PALLD: variants seen among roughly 807,000 people sequenced by gnomAD.
PALLD encodes palladin.
PALLD carries 61 observed loss-of-function variants against 123.5 expected under a neutral mutation model. That is an observed-to-expected ratio of 0.49 (90% CI 0.40 to 0.61). The LOEUF is 0.61. PALLD is among the 20% of genes least tolerant of loss of function. The pLI, the probability that PALLD is intolerant of heterozygous loss-of-function variation, is 0.00. For missense variants in PALLD, 1,273 were observed against 1,377.0 expected (o/e 0.92, Z 1.20); for synonymous variants, 465 against 496.4 (o/e 0.94, Z 0.84).
chr4:168,523,961 T>C (rs1326674984), intron 2 of PALLD, among the ~76,000 whole-genome samples: 6 of 152,210 alleles, frequency 3.9e-5, no homozygotes, highest in African/African-American at 7.2e-5. Flanking sequence ...CTAATAGATA[T>C]AATAATATTA....
At chr4:168,748,421 A>C (rs1730596940) in intron 10 of PALLD, among the ~76,000 whole-genome samples, 2 of 152,232 alleles carry the variant, frequency 1.3e-5, no homozygotes, top group South Asian at 4.1e-4. Context: ...GTTCTAAGTA[A>C]TATAGGGGGT....
intron 10 of PALLD, among the ~76,000 whole-genome samples, chr4:168,756,772 A>G (rs1157431602): frequency 1.3e-5 from 2 of 152,252 alleles, no homozygotes; most frequent in Non-Finnish European, 2.9e-5. Flanking sequence ...TGTTGGACTC[A>G]AGCTATAAAC....
chr4:168,747,639 A>G lies in PALLD; in HGVS notation c.1964+35716A>G, dbSNP rs74611364. ...AAGAGACCCAAGACTTCGTAAAGCC[A>G]TGGGATATGGAGTTGGGGGACCTGC... On this transcript the variant is annotated intron_variant, in intron 10 of 21. Coordinates refer to ENST00000505667, the MANE Select transcript of PALLD (RefSeq NM_001166108.2). 6.2e-3 allele frequency among the ~76,000 whole-genome samples: 939 copies of G among 152,328 alleles called. 9 individuals carry two copies. The highest frequency in any genetic ancestry group is 0.021 in the African/African-American group (878 of 41,574).
chr4:168,529,295 C>T (rs1764373447), intron 2 of PALLD, among the ~76,000 whole-genome samples: 1 of 151,832 alleles, frequency 6.6e-6, no homozygotes, highest in Non-Finnish European at 1.5e-5. Context: ...TGAGATTGTG[C>T]CACTGCACTC....
In PALLD at chr4:168,680,315, T is replaced by TA. The variant is rs550083822; in HGVS notation, c.1088-1002dup. Among the ~76,000 whole-genome samples the TA allele has an allele frequency of 5.0e-3, 664 of 132,322 alleles. 3 individuals carry two copies. Among genetic ancestry groups the TA allele is most frequent in the East Asian group, 0.03 (140 of 4,634 alleles). 86.8% of individuals were successfully genotyped at this position (132,322 alleles called of 152,430 possible). A position where few individuals can be genotyped will look rare whatever the true frequency, so the allele number is the denominator to read the frequency against. ...CAACATGGTGAAACCCCATCTCTGC[T>TA]AAAAAAAAAAAAAAATACAAAAATT... On this transcript the variant is annotated intron_variant, in intron 3 of 21. Transcript: ENST00000505667.
chr4:168,623,484 G>A (rs1246802182), intron 2 of PALLD, among the ~76,000 whole-genome samples: 1 of 152,250 alleles, frequency 6.6e-6, no homozygotes, highest in Non-Finnish European at 1.5e-5. Flanking sequence ...CCCTGAAGAT[G>A]CAGGACTTGC....
intron 10 of PALLD, among the ~76,000 whole-genome samples, chr4:168,803,232 T>C (rs934329510): frequency 1.8e-4 from 27 of 151,994 alleles, no homozygotes; most frequent in African/African-American, 6.5e-4. Context: ...CATACAGTCG[T>C]GGTGGAAGTG....
intron 10 of PALLD, among the ~76,000 whole-genome samples, chr4:168,720,318 A>G (rs138888152): frequency 1.3e-5 from 2 of 152,318 alleles, no homozygotes; most frequent in East Asian, 3.9e-4. Context: ...AAGATACATC[A>G]TTCAGTTTTT....
chr4:168,894,725 C>T (rs751153163), intron 12 of PALLD, 48 bp downstream of exon 12: 68 of 1,589,072 alleles, frequency 4.3e-5, no homozygotes, highest in Non-Finnish European at 5.5e-5. Context: ...TTCTGTCCCC[C>T]TTTTCCATCT....
At chr4:168,720,782 C>G (rs779164114) in intron 10 of PALLD, among the ~76,000 whole-genome samples, 1 of 152,176 alleles carries the variant, frequency 6.6e-6, no homozygotes, top group Non-Finnish European at 1.5e-5. Context: ...CAGTGTTGGT[C>G]TTGGATCACT....
intron 10 of PALLD, among the ~76,000 whole-genome samples, chr4:168,856,520 G>C (rs973973256): frequency 2.0e-5 from 3 of 152,112 alleles, no homozygotes; most frequent in African/African-American, 7.2e-5. Flanking sequence ...TTGTTTTGAC[G>C]TTGTAGTAAT....
chr4:168,511,870 T>C lies in PALLD; in HGVS notation c.366T>C (p.Pro122=). 6.2e-6 allele frequency: 10 copies of C among 1,614,136 alleles called. No homozygotes were observed. The highest frequency in any genetic ancestry group is 8.5e-6 in the Non-Finnish European group (10 of 1,179,974). ...SISSPVSKRK[P]AMSPLLTRPS... ...CTTCACCTGTTTCAAAGAGGAAACCTGCCATGTCACCCCTGCTCACCAGGC... is the reference window on the plus strand; with the variant it reads ...CTTCACCTGTTTCAAAGAGGAAACCCGCCATGTCACCCCTGCTCACCAGGC... Residue 122 remains proline (P), a synonymous_variant, in exon 2 of 22, where the codon CCT becomes CCC. Transcript: ENST00000505667.
intron 2 of PALLD, among the ~76,000 whole-genome samples, chr4:168,529,283 G>A (rs1764372460): frequency 6.6e-6 from 1 of 151,978 alleles, no homozygotes; most frequent in Admixed American, 6.5e-5. Flanking sequence ...GTTGCAGTGA[G>A]CTGAGATTGT....
chr4:168,920,008 A>G (rs180837382), intron 17 of PALLD, among the ~76,000 whole-genome samples: 11 of 152,270 alleles, frequency 7.2e-5, no homozygotes, highest in Middle Eastern at 3.4e-3. Context: ...CCTACTAAAC[A>G]TACTGTGGCT....
At position 168,711,576 on chromosome 4, in the gene PALLD, C is replaced by T. The variant is rs1302132744; in HGVS notation, c.1622-5C>T. 1.2e-6 allele frequency: 2 copies of T among 1,608,426 alleles called. No individual in the cohort carries two copies. Among genetic ancestry groups the T allele is most frequent in the East Asian group, 2.2e-5 (1 of 44,874 alleles). ...TATGTTTTTCCTCTCTTTCCCCTTC[C>T]TTAGCCAACACTGAAAACTGTAGTT... On this transcript the variant is annotated splice_polypyrimidine_tract_variant and splice_region_variant and intron_variant, in intron 9 of 21. Coordinates refer to ENST00000505667, the MANE Select transcript of PALLD (RefSeq NM_001166108.2).
chr4:168,794,735 G>A (rs1277151328), intron 10 of PALLD, among the ~76,000 whole-genome samples: 1 of 152,162 alleles, frequency 6.6e-6, no homozygotes, highest in Admixed American at 6.5e-5. Context: ...TGGGGAATCA[G>A]CCAAAAGTGA....
At chr4:168,529,725 G>C (rs1484354058) in intron 2 of PALLD, among the ~76,000 whole-genome samples, 1 of 152,050 alleles carries the variant, frequency 6.6e-6, no homozygotes, top group Non-Finnish European at 1.5e-5. Context: ...ATCAAATAAA[G>C]CTGTTATAAT....
chr4:168,685,810 G>GAAA (rs70961550), intron 6 of PALLD, among the ~76,000 whole-genome samples: 848 of 65,274 alleles, frequency 0.013, 4 homozygotes, highest in African/African-American at 0.016. Flanking sequence ...AAGACAGATA[G>GAAA]AAAAAAAAAA....
intron 10 of PALLD, among the ~76,000 whole-genome samples, chr4:168,753,821 G>T (rs771175895): frequency 1.3e-5 from 2 of 152,088 alleles, no homozygotes; most frequent in Non-Finnish European, 2.9e-5. Context: ...CTGCGGCCTT[G>T]GTCAACATCC....
Sources: allele counts gnomAD v4.1 joint callset (sites outside exome capture counted in the v4.1 genomes callset), GRCh38; gene constraint gnomAD v4.1.1; transcripts MANE v1.5; gene names NCBI Gene and HGNC (gene_info 2026-07-23, HGNC 2026-07-21).